Variants in CHEK1 observed in about 807,000 individuals in gnomAD.
The protein encoded by CHEK1 is serine/threonine-protein kinase Chk1.
Under a neutral mutation model 60.2 loss-of-function variants are expected in CHEK1, and 32 were observed. The ratio of observed to expected loss-of-function variants is 0.53; its 90% confidence interval spans 0.40 to 0.71. The LOEUF (loss-of-function observed/expected upper bound fraction) is 0.71, where lower values mean the gene tolerates loss of function less well. Among genes scored for constraint, CHEK1 ranks in the 30% least tolerant of loss-of-function variants. The probability of loss-of-function intolerance (pLI) is 0.00; values close to 1 mark genes in which losing one functional copy is unlikely to be tolerated. For synonymous variants in CHEK1, 179 were observed against 187.2 expected (o/e 0.96, Z 0.36); for missense variants, 399 against 564.6 (o/e 0.71, Z 2.97).
At chr11:125,664,811 G>C (rs929403796) in intron 13 of CHEK1, among the ~76,000 whole-genome samples, 3 of 152,010 alleles carry the variant, frequency 2.0e-5, no homozygotes, top group Non-Finnish European at 4.4e-5. Flanking sequence ...TTTGTTTCCT[G>C]TACTTGTGAT....
chr11:125,670,270 T>C (rs562555018), intron 13 of CHEK1, among the ~76,000 whole-genome samples: 4 of 152,340 alleles, frequency 2.6e-5, no homozygotes, highest in South Asian at 2.1e-4. Flanking sequence ...CTTGAATGTA[T>C]CTTTAATAGC....
intron 1 of CHEK1, 137 bp downstream of exon 1, chr11:125,626,149 G>A (rs1341169166): frequency 2.0e-5 from 12 of 611,064 alleles, no homozygotes; most frequent in South Asian, 7.5e-5. Context: ...GCGGAGGGGC[G>A]GTTTCGGAGG....
intron 5 of CHEK1, 35 bp downstream of exon 5, chr11:125,629,495 A>G (rs1337462736): frequency 1.4e-6 from 2 of 1,408,776 alleles, no homozygotes; most frequent in Admixed American, 3.7e-5. Context: ...CTAAAATAAA[A>G]TAAAATAATT....
At chr11:125,652,103 T>C (rs1288813478) in intron 11 of CHEK1, among the ~76,000 whole-genome samples, 1 of 152,262 alleles carries the variant, frequency 6.6e-6, no homozygotes, top group Non-Finnish European at 1.5e-5. Flanking sequence ...TCATAGTTTC[T>C]TGAAGTAAGA....
downstream of CHEK1, among the ~76,000 whole-genome samples, chr11:125,658,566 G>A (rs1322955805): frequency 2.0e-5 from 3 of 151,104 alleles, no homozygotes; most frequent in African/African-American, 4.9e-5. Flanking sequence ...GTCCTATTTA[G>A]ACCTTTCCTC....
chr11:125,628,888 A>G (rs1940739801), intron 3 of CHEK1, among the ~76,000 whole-genome samples: 1 of 152,230 alleles, frequency 6.6e-6, no homozygotes, highest in East Asian at 1.9e-4. Flanking sequence ...GGAATGAGAA[A>G]AATAATTAGC....
intron 13 of CHEK1, among the ~76,000 whole-genome samples, chr11:125,669,777 GC>G (rs1273798804): frequency 6.6e-6 from 1 of 151,938 alleles, no homozygotes; most frequent in Non-Finnish European, 1.5e-5. Context: ...ACCCGCCTCG[GC>G]CTCCCAAAGT....
chr11:125,660,742 G>C (rs1470642905), downstream of CHEK1, among the ~76,000 whole-genome samples: 1 of 146,696 alleles, frequency 6.8e-6, no homozygotes, highest in South Asian at 2.2e-4. Flanking sequence ...TTTCATAAAG[G>C]ATTTATTAAC....
intron 6 of CHEK1, among the ~76,000 whole-genome samples, chr11:125,633,557 C>A (rs1037871470): frequency 6.6e-6 from 1 of 152,122 alleles, no homozygotes; most frequent in African/African-American, 2.4e-5. Context: ...AAGCAATCCT[C>A]TGGCCTCACT....
downstream of CHEK1, among the ~76,000 whole-genome samples, chr11:125,660,104 C>G (rs548085494): frequency 1.3e-5 from 2 of 152,168 alleles, no homozygotes; most frequent in African/African-American, 2.4e-5. Flanking sequence ...CATTTTAGTT[C>G]TTTTTACTTC....
chr11:125,677,975 G>C (rs777369541), downstream of CHEK1: 6 of 1,612,376 alleles, frequency 3.7e-6, no homozygotes, highest in Non-Finnish European at 1.7e-6. Flanking sequence ...GCTGTTCTCC[G>C]GAGAGGTGTT....
intron 5 of CHEK1, among the ~76,000 whole-genome samples, chr11:125,631,885 AAAAGG>A (rs1323927034): frequency 1.4e-4 from 21 of 151,018 alleles, no homozygotes; most frequent in African/African-American, 5.1e-4. Flanking sequence ...AAAAAAAAAA[AAAAGG>A]GTAATCACAG....
intron 13 of CHEK1, chr11:125,672,612 GA>G (rs779466111): frequency 6.2e-7 from 1 of 1,614,082 alleles, no homozygotes; most frequent in South Asian, 1.1e-5. Context: ...ATTGCAGAAA[GA>G]TTGATTTCGA....
intron 13 of CHEK1, chr11:125,672,862 T>C: frequency 9.4e-7 from 1 of 1,060,792 alleles, no homozygotes; most frequent in Non-Finnish European, 1.3e-6. Context: ...ATTTGCTTCC[T>C]CTGGGAACTT....
rs1940630907 is a variant in CHEK1 at position 125,626,757 on chromosome 11, C to T, written c.-12C>T. ...ATTCCTGCCTTTTACAGCCGAGGTG[C>T]TCGGTGGAGTCATGGCAGTGCCCTT... On this transcript the variant is annotated 5_prime_UTR_variant, in exon 2 of 13. Transcript: ENST00000438015. 1 of 1,614,084 alleles carries T rather than the reference C, an allele frequency of 6.2e-7. No individual in the cohort carries two copies. The highest frequency in any genetic ancestry group is 8.5e-7 in the Non-Finnish European group (1 of 1,179,984).
At chr11:125,645,243 T>C (rs1472040774) in intron 11 of CHEK1, among the ~76,000 whole-genome samples, 4 of 152,160 alleles carry the variant, frequency 2.6e-5, no homozygotes, top group Non-Finnish European at 5.9e-5. Context: ...AAACTATGTA[T>C]ACTTAAACTG....
downstream of CHEK1, chr11:125,678,221 G>T (rs753113454): frequency 7.4e-6 from 12 of 1,613,282 alleles, no homozygotes; most frequent in South Asian, 1.3e-4. Context: ...CAAGTGAAAA[G>T]AACTCACCTG....
At chr11:125,652,081 G>A (rs510443) in intron 11 of CHEK1, among the ~76,000 whole-genome samples, 60,453 of 152,108 alleles carry the variant, frequency 0.4, 12,441 homozygotes, top group African/African-American at 0.5. Context: ...GTCGTGGTAT[G>A]GTTGTGTGTT....
downstream of CHEK1, among the ~76,000 whole-genome samples, chr11:125,679,112 TC>T: frequency 6.7e-6 from 1 of 150,192 alleles, no homozygotes. Flanking sequence ...TGCCTAGTAC[TC>T]AATTTTATTT....
Sources: allele counts gnomAD v4.1 joint callset (sites outside exome capture counted in the v4.1 genomes callset), GRCh38; gene constraint gnomAD v4.1.1; transcripts MANE v1.5; gene names NCBI Gene and HGNC (gene_info 2026-07-23, HGNC 2026-07-21).